LRRC49: variants seen among roughly 807,000 people sequenced by gnomAD.
The protein encoded by LRRC49 is leucine rich repeat containing 49.
LRRC49 carries 50 observed loss-of-function variants against 83.3 expected under a neutral mutation model. The observed-to-expected ratio is 0.60, with a 90% confidence interval of 0.48 to 0.76. LRRC49 has a LOEUF of 0.76. LRRC49 is among the 30% of genes least tolerant of loss of function. The pLI is 0.00. For missense variants in LRRC49, 704 were observed against 809.1 expected (o/e 0.87, Z 1.58); for synonymous variants, 286 against 283.3 (o/e 1.01, Z -0.10).
chr15:71,045,779 G>A (rs2141311645), intron 15 of LRRC49, among the ~76,000 whole-genome samples: 1 of 152,200 alleles, frequency 6.6e-6, no homozygotes, highest in African/African-American at 2.4e-5. Context: ...TGATGCTGGG[G>A]TTTGGAGTAT....
At chr15:70,859,378 C>T in intron 1 of LRRC49, 1 of 765,204 alleles carries the variant, frequency 1.3e-6, no homozygotes, top group Non-Finnish European at 2.4e-6. Flanking sequence ...ACGAGATGGA[C>T]TTCCTCAGGC....
chr15:70,906,119 A>G (rs2034300347), intron 5 of LRRC49, among the ~76,000 whole-genome samples: 3 of 132,892 alleles, frequency 2.3e-5, no homozygotes, highest in African/African-American at 5.8e-5. Context: ...TTTTTTTGAG[A>G]TGGAGTCTCG....
chr15:70,979,966 T>C, intron 9 of LRRC49, 135 bp from the exon 10 acceptor site: 1 of 527,092 alleles, frequency 1.9e-6, no homozygotes, highest in Non-Finnish European at 3.4e-6. Context: ...ATACTAAATT[T>C]TTCTTTGAGA....
intron 11 of LRRC49, among the ~76,000 whole-genome samples, chr15:70,994,169 T>A (rs2037998289): frequency 6.6e-6 from 1 of 152,330 alleles, no homozygotes; most frequent in South Asian, 2.1e-4. Context: ...TTATACACAA[T>A]GTTAGATAAG....
At chr15:71,014,692 C>A (rs371513932) in intron 14 of LRRC49, among the ~76,000 whole-genome samples, 1 of 151,990 alleles carries the variant, frequency 6.6e-6, no homozygotes, top group African/African-American at 2.4e-5. Context: ...TACAATCCAC[C>A]AGAAAATAGT....
chr15:70,930,084 C>G (rs985582002), intron 7 of LRRC49, among the ~76,000 whole-genome samples: 5 of 152,078 alleles, frequency 3.3e-5, no homozygotes, highest in Admixed American at 3.3e-4. Flanking sequence ...TCAATTCTTT[C>G]TAGAAAGTTT....
At chr15:71,003,516 A>T (rs1001658851) in intron 11 of LRRC49, among the ~76,000 whole-genome samples, 2 of 152,152 alleles carry the variant, frequency 1.3e-5, no homozygotes, top group African/African-American at 4.8e-5. Context: ...CACTCTAGAA[A>T]TCTGACTCAC....
intron 14 of LRRC49, among the ~76,000 whole-genome samples, chr15:71,033,239 T>A (rs1328581731): frequency 1.3e-5 from 2 of 152,152 alleles, no homozygotes; most frequent in Non-Finnish European, 2.9e-5. Context: ...GAGACCCAAA[T>A]CATGAATGGA....
At chr15:70,967,401 T>C (rs1036803549) in intron 9 of LRRC49, among the ~76,000 whole-genome samples, 8 of 152,034 alleles carry the variant, frequency 5.3e-5, no homozygotes, top group African/African-American at 1.9e-4. Context: ...GAGGATGCGA[T>C]GGGTGATGAG....
chr15:70,943,067 G>A (rs1050801149), intron 8 of LRRC49, among the ~76,000 whole-genome samples: 1 of 151,764 alleles, frequency 6.6e-6, no homozygotes, highest in Non-Finnish European at 1.5e-5. Context: ...TGTTTTGATT[G>A]TATTCTGGGC....
chr15:70,956,408 A>G (rs568922522), intron 8 of LRRC49, among the ~76,000 whole-genome samples: 4 of 152,034 alleles, frequency 2.6e-5, no homozygotes, highest in African/African-American at 4.8e-5. Context: ...ATTAAAGTCA[A>G]TTATAAGTTA....
At chr15:70,921,873 CTGA>C (rs1274531535) in intron 7 of LRRC49, among the ~76,000 whole-genome samples, 1 of 152,132 alleles carries the variant, frequency 6.6e-6, no homozygotes, top group Non-Finnish European at 1.5e-5. Context: ...GACACCTTCT[CTGA>C]TGTTTTTGAT....
intron 1 of LRRC49, among the ~76,000 whole-genome samples, chr15:70,855,334 C>CA (rs1248762528): frequency 0.14 from 8,095 of 58,242 alleles, 306 homozygotes; most frequent in South Asian, 0.26. Context: ...GACTCCGTCT[C>CA]AAAAAAAAAA....
rs1167008814 is a variant in LRRC49 at position 70,900,965 on chromosome 15, T to C, written c.237T>C (p.Pro79=). 1 of 1,611,198 alleles carries C rather than the reference T, an allele frequency of 6.2e-7. No individual in the cohort carries two copies. The highest frequency in any genetic ancestry group is 8.5e-7 in the Non-Finnish European group (1 of 1,178,200). The change falls in exon 4 of 16, where the codon CCT becomes CCC. Residue 79 remains proline (P), a synonymous_variant. Coordinates refer to ENST00000260382, the MANE Select transcript of LRRC49 (RefSeq NM_017691.5). The stretch of plus-strand genomic sequence containing the variant: ...TGAGCTCATCATTGTCATCATTTCC[T>C]ATTCTTCAACGTTCTTCTGAAGAGA... ...NLVSSSLSSF[P]ILQRSSEEKI... is the part of the protein sequence containing the mutation.
rs2040014939 is a variant in LRRC49, at chr15:71,053,278, G to A, written c.*3666G>A. Reference sequence around the variant, plus strand: ...AGATTTACTGACAGAACTGGATATGGAGTATGAGAAACAGTAGTCAATGAT... The same window carrying A: ...AGATTTACTGACAGAACTGGATATGAAGTATGAGAAACAGTAGTCAATGAT... On this transcript the variant is annotated 3_prime_UTR_variant, in exon 16 of 16. Coordinates refer to ENST00000260382, the MANE Select transcript of LRRC49 (RefSeq NM_017691.5). The A allele has an allele frequency of 6.6e-6, 1 of 152,180 alleles. No homozygotes were observed. Among genetic ancestry groups the A allele is most frequent in the Non-Finnish European group, 1.5e-5 (1 of 68,042 alleles). The allele number at this position is 152,180 out of a possible 1,614,324, so 9.4% of individuals were successfully genotyped here.
In LRRC49 at chr15:70,984,213, T is replaced by C; in HGVS notation, c.1125T>C (p.Cys375=). 1 of 1,613,206 alleles carries C rather than the reference T, an allele frequency of 6.2e-7. No homozygotes were observed. Among genetic ancestry groups the C allele is most frequent in the Non-Finnish European group, 8.5e-7 (1 of 1,179,492 alleles). ...RKDSDSPQDP[C]QIDGSTLSAF... is the part of the protein sequence containing the mutation. ...ATTCTGACTCTCCTCAGGACCCCTG[T>C]CAGATTGATGGAAGCACCCTCTCTG... The change falls in exon 11 of 16, where the codon TGT becomes TGC. Residue 375 remains cysteine, a synonymous_variant. Transcript: ENST00000260382.
chr15:70,981,623 A>G (rs79636369), intron 10 of LRRC49, among the ~76,000 whole-genome samples: 4,426 of 152,160 alleles, frequency 0.029, 219 homozygotes, highest in African/African-American at 0.1. Context: ...GTAACCTTAG[A>G]AGTGAAGGAA....
At chr15:70,891,704 C>A, upstream of LRRC49, 1 of 730,346 alleles carries the variant, frequency 1.4e-6, no homozygotes, top group Admixed American at 3.0e-5. Flanking sequence ...TTGGAGATCA[C>A]CTCTAAAGCA....
chr15:70,913,150 G>A (rs1276111654), intron 6 of LRRC49, among the ~76,000 whole-genome samples: 3 of 152,176 alleles, frequency 2.0e-5, no homozygotes, highest in Non-Finnish European at 2.9e-5. Flanking sequence ...GCAGTGATAA[G>A]CCTACATCCT....
Sources: gnomAD v4.1 joint callset for allele counts (sites outside exome capture counted in the v4.1 genomes callset) on GRCh38, gnomAD v4.1.1 for gene constraint, MANE v1.5 for transcripts, NCBI Gene and HGNC (gene_info 2026-07-23, HGNC 2026-07-21) for gene names.